The following KAZN variants were observed in gnomAD, a reference collection of about 807,000 sequenced individuals.
KAZN encodes kazrin, periplakin interacting protein.
KAZN carries 40 observed loss-of-function variants against 87.4 expected under a neutral mutation model. The observed-to-expected ratio is 0.46, with a 90% CI of 0.36 to 0.60. The LOEUF is 0.60. KAZN is among the 20% of genes least tolerant of loss of function. The pLI, the probability that KAZN is intolerant of heterozygous loss-of-function variation, is 0.00. For synonymous variants in KAZN, 466 were observed against 458.3 expected (o/e 1.02, Z -0.22); for missense variants, 898 against 1,073.9 (o/e 0.84, Z 2.29).
intron 2 of KAZN, among the ~76,000 whole-genome samples, chr1:14,228,098 T>G (rs936754028): frequency 4.0e-5 from 6 of 151,170 alleles, no homozygotes; most frequent in Admixed American, 6.6e-5. Context: ...GCACCCTTAG[T>G]CCTCACTCTA....
At chr1:14,993,937 T>C (rs574558937) in intron 2 of KAZN, among the ~76,000 whole-genome samples, 1 of 152,268 alleles carries the variant, frequency 6.6e-6, no homozygotes, top group African/African-American at 2.4e-5. Flanking sequence ...CATGCAGGCT[T>C]GTGGAAGGGA....
At chr1:15,026,780 A>G (rs1319065539) in intron 2 of KAZN, among the ~76,000 whole-genome samples, 1 of 152,186 alleles carries the variant, frequency 6.6e-6, no homozygotes, top group Non-Finnish European at 1.5e-5. Flanking sequence ...CATATTTCTT[A>G]TCATTTTTCT....
At chr1:15,108,116 G>A in intron 13 of KAZN, among the ~76,000 whole-genome samples, 2 of 152,166 alleles carry the variant, frequency 1.3e-5, no homozygotes, top group East Asian at 3.9e-4. Flanking sequence ...AAATAGACTT[G>A]ACCCTCAAAC....
At chr1:14,793,163 G>A (rs1645730512) in intron 1 of KAZN, among the ~76,000 whole-genome samples, 1 of 152,090 alleles carries the variant, frequency 6.6e-6, no homozygotes, top group African/African-American at 2.4e-5. Context: ...AAGGATGGAG[G>A]CAGAGACCAG....
intron 1 of KAZN, among the ~76,000 whole-genome samples, chr1:14,908,887 C>A (rs1281728840): frequency 6.6e-6 from 1 of 151,192 alleles, no homozygotes; most frequent in African/African-American, 2.4e-5. Flanking sequence ...TGGTGGCAGG[C>A]GCCTGTAATC....
chr1:14,014,125 A>G (rs2101207835), intron 1 of KAZN, among the ~76,000 whole-genome samples: 1 of 152,042 alleles, frequency 6.6e-6, no homozygotes, highest in Non-Finnish European at 1.5e-5. Flanking sequence ...ACCACCCACC[A>G]TTGATGATTT....
intron 2 of KAZN, among the ~76,000 whole-genome samples, chr1:14,326,042 C>G (rs567063859): frequency 5.9e-5 from 9 of 152,296 alleles, no homozygotes; most frequent in African/African-American, 2.2e-4. Flanking sequence ...ACATTGAGAA[C>G]TCCTGTAGCT....
At chr1:14,972,067 C>G (rs1276123664) in intron 2 of KAZN, among the ~76,000 whole-genome samples, 1 of 152,156 alleles carries the variant, frequency 6.6e-6, no homozygotes, top group Non-Finnish European at 1.5e-5. Context: ...GGCCCCTTCC[C>G]AGGAAAGGTC....
chr1:14,050,108 A>ACATGTGTGTGGGCATGCATGTG, intron 1 of KAZN, among the ~76,000 whole-genome samples: 1 of 92,426 alleles, frequency 1.1e-5, no homozygotes, highest in African/African-American at 5.2e-5. Context: ...ATGTATGTGC[A>ACATGTGTGTGGGCATGCATGTG]CATGTGTGTG....
chr1:14,666,317 C>A (rs2148726326), intron 1 of KAZN, among the ~76,000 whole-genome samples: 1 of 152,316 alleles, frequency 6.6e-6, no homozygotes, highest in Admixed American at 6.5e-5. Context: ...TCCTCGCCCC[C>A]TTTCCCTGTT....
Position 14,541,848 on chromosome 1 carries a change from A to G in KAZN, c.250-57135A>G, listed in dbSNP as rs557766235. Among the ~76,000 whole-genome samples, 11 of 152,328 alleles carry G rather than the reference A, an allele frequency of 7.2e-5. 1 individual carries two copies. The South Asian group carries it at 2.3e-3, about 32-fold the overall frequency. On this transcript the variant is annotated intron_variant, in intron 2 of 16. Transcript: ENST00000636203. ...AGATAACTCCTCGGTCTCATCTTTA[A>G]AGGCGGCCTTCTATGTCACATTGAG... is the stretch of plus-strand genomic sequence containing the variant.
chr1:15,036,418 C>A (rs927332704), intron 3 of KAZN, among the ~76,000 whole-genome samples: 11 of 149,616 alleles, frequency 7.4e-5, no homozygotes, highest in Non-Finnish European at 1.5e-4. Context: ...AGCTCCCCTT[C>A]CCCTGCCTGT....
intron 2 of KAZN, among the ~76,000 whole-genome samples, chr1:14,329,888 C>T (rs943238029): frequency 1.3e-5 from 2 of 152,206 alleles, no homozygotes; most frequent in African/African-American, 4.8e-5. Flanking sequence ...GCATGTTTTA[C>T]AATTTTGTTT....
chr1:14,776,407 C>A (rs1645176680), intron 1 of KAZN, among the ~76,000 whole-genome samples: 2 of 152,360 alleles, frequency 1.3e-5, no homozygotes, highest in East Asian at 3.9e-4. Flanking sequence ...ACCAAAGGCA[C>A]ATGACCCAGA....
intron 2 of KAZN, among the ~76,000 whole-genome samples, chr1:15,010,505 C>A (rs542045563): frequency 6.6e-6 from 1 of 151,530 alleles, no homozygotes; most frequent in Non-Finnish European, 1.5e-5. Context: ...ATTCTCCTGC[C>A]TCAGCCTCCC....
At chr1:14,667,297 T>C (rs948988794) in intron 1 of KAZN, among the ~76,000 whole-genome samples, 1 of 152,100 alleles carries the variant, frequency 6.6e-6, no homozygotes, top group African/African-American at 2.4e-5. Context: ...AGCACATGGT[T>C]TTCAGCTCTC....
chr1:14,418,287 T>C (rs918800746), intron 2 of KAZN, among the ~76,000 whole-genome samples: 2 of 152,172 alleles, frequency 1.3e-5, no homozygotes, highest in African/African-American at 2.4e-5. Context: ...GCAGGCTATC[T>C]AACCTCTCTG....
chr1:14,959,599 C>T (rs926386514), intron 1 of KAZN, among the ~76,000 whole-genome samples: 6 of 152,174 alleles, frequency 3.9e-5, no homozygotes, highest in African/African-American at 1.4e-4. Flanking sequence ...TGTTTATTCT[C>T]AAGGGGACCT....
rs148473793 is a variant in KAZN, at chr1:14,782,798, C to T, written c.227-177886C>T. Among the ~76,000 whole-genome samples the T allele has an allele frequency of 3.4e-3, 510 of 152,140 alleles. 1 individual carries two copies. The highest frequency in any genetic ancestry group is 5.4e-3 in the Non-Finnish European group (364 of 68,008). On this transcript the variant is annotated intron_variant, in intron 1 of 14. Transcript: ENST00000376030. ...AAGGCCATTTGTGGTTTTCCTGAGT[C>T]GCTGGAGGAATCCCAGGGTAGAGGC...
Sources: allele counts gnomAD v4.1 joint callset (sites outside exome capture counted in the v4.1 genomes callset), GRCh38; gene constraint gnomAD v4.1.1; transcripts MANE v1.5; gene names NCBI Gene and HGNC (gene_info 2026-07-23, HGNC 2026-07-21).